Variants in PCNT observed in about 807,000 individuals in gnomAD.
The protein encoded by PCNT is pericentrin, also known as kendrin.
A neutral mutation model predicts 380.4 loss-of-function variants in PCNT; 319 were observed. That is an observed-to-expected ratio of 0.84 (90% CI 0.77 to 0.92). The LOEUF (loss-of-function observed/expected upper bound fraction) is 0.92. Among genes scored for constraint, PCNT ranks in the 40% least tolerant of loss-of-function variants. PCNT has a pLI of 0.00. For missense variants in PCNT, 4,400 were observed against 4,255.3 expected, an observed-to-expected ratio of 1.03 and a Z score of -0.95; for synonymous variants, 1,845 against 1,735.2, an observed-to-expected ratio of 1.06 and a Z score of -1.57.
rs2084961703 is a variant in PCNT at position 46,367,259 on chromosome 21, C to T, written c.3165+120C>T. 2.6e-5 allele frequency: 21 copies of T among 811,578 alleles called. No homozygotes were observed. In the South Asian group the frequency reaches 3.0e-4, roughly 12 times the overall value. 50.3% of individuals were successfully genotyped at this position (811,578 alleles called of 1,614,324 possible). A position where few individuals can be genotyped will look rare whatever the true frequency, so the allele number is the denominator to read the frequency against. On this transcript the variant is annotated intron_variant, in intron 15 of 46. Coordinates refer to ENST00000359568, the MANE Select transcript of PCNT (RefSeq NM_006031.6). ...TGTGCCTGTGCGGGTGTCTGTGTGT[C>T]TCACAGGCTGCCGAGATCAGTGGGG...
intron 32 of PCNT, among the ~76,000 whole-genome samples, chr21:46,423,204 C>CT (rs34458143): frequency 2.5e-3 from 358 of 142,080 alleles, no homozygotes; most frequent in Middle Eastern, 0.011. Context: ...TTTGCATTTC[C>CT]TTTTTTTTTT....
intron 13 of PCNT, among the ~76,000 whole-genome samples, chr21:46,360,524 T>TTA (rs1555958482): frequency 7.0e-6 from 1 of 143,202 alleles, no homozygotes; most frequent in East Asian, 2.0e-4. Flanking sequence ...CGCCGGCTTT[T>TTA]TTTTTTTTTT....
chr21:46,428,528 G>T lies in PCNT; in HGVS notation c.7628G>T (p.Arg2543Leu), dbSNP rs140173772. The change falls in exon 35 of 47, where the codon CGC becomes CTC. Residue 2543 changes from arginine to leucine, a missense_variant. By Grantham distance (102) the Arg-to-Leu change is moderately radical (BLOSUM62 -2). Transcript: ENST00000359568. ...LQNQEKLQHLRTALTSAEARG... is the reference protein window; with the variant it reads ...LQNQEKLQHLLTALTSAEARG... ...AACCAGGAGAAGCTGCAGCACTTGC[G>T]CACGGCGCTGACAAGCGCAGAGGCG... 2 of 1,610,634 alleles carry T rather than the reference G, an allele frequency of 1.2e-6. No individual in the cohort carries two copies. The highest frequency in any genetic ancestry group is 1.7e-6 in the Non-Finnish European group (2 of 1,179,646).
Position 46,363,410 on chromosome 21 carries a change from T to G in PCNT, c.2155-70T>G, listed in dbSNP as rs139707335. 15 of 1,253,304 alleles carry G rather than the reference T, an allele frequency of 1.2e-5. No homozygotes were observed. The East Asian group carries it at 2.8e-4, about 23-fold the overall frequency. The allele number at this position is 1,253,304 out of a possible 1,614,324, so 77.6% of individuals were successfully genotyped here. ...AAATTCCCTGTCTTCAGAGGTGGGTTTGGGTTGTCTCTTCTAATAATCTCT... is the reference window on the plus strand; with the variant it reads ...AAATTCCCTGTCTTCAGAGGTGGGTGTGGGTTGTCTCTTCTAATAATCTCT... On this transcript the variant is annotated intron_variant, in intron 13 of 46. Coordinates refer to ENST00000359568, the MANE Select transcript of PCNT (RefSeq NM_006031.6).
At position 46,357,315 on chromosome 21, in the gene PCNT, T is replaced by C. The variant is rs2084514202; in HGVS notation, c.2154+124T>C. ...ACAGCCCAGTGCTGTACATGGCACA[T>C]TTGTAAGGGCGACAGTCCCGTAAAT... On this transcript the variant is annotated intron_variant, in intron 13 of 46. Transcript: ENST00000359568. 5.3e-6 allele frequency: 4 copies of C among 758,510 alleles called. No individual in the cohort carries two copies. The Admixed American group carries it at 5.4e-5, about 10-fold the overall frequency. 47.0% of individuals were successfully genotyped at this position (758,510 alleles called of 1,614,324 possible).
chr21:46,437,238 G>C (rs530473127), intron 40 of PCNT, among the ~76,000 whole-genome samples, 157 bp downstream of exon 40: 6 of 152,168 alleles, frequency 3.9e-5, no homozygotes, highest in South Asian at 4.2e-4. Flanking sequence ...GGGTGGGGTC[G>C]ACCCTGTGGG....
At chr21:46,361,305 C>T (rs1177682099) in intron 13 of PCNT, among the ~76,000 whole-genome samples, 3 of 152,214 alleles carry the variant, frequency 2.0e-5, no homozygotes, top group African/African-American at 4.8e-5. Context: ...GCAGGAGAAT[C>T]GCTTGAAACC....
At chr21:46,327,885 C>T (rs558630332) in intron 2 of PCNT, among the ~76,000 whole-genome samples, 1 of 152,324 alleles carries the variant, frequency 6.6e-6, no homozygotes, top group East Asian at 1.9e-4. Flanking sequence ...AGGGGCACCC[C>T]CATGGGCAGG....
At chr21:46,437,491 A>G (rs1325743085) in intron 40 of PCNT, among the ~76,000 whole-genome samples, 14 of 151,850 alleles carry the variant, frequency 9.2e-5, no homozygotes. Context: ...GCCGATGTTC[A>G]CCTCCACCTG....
At chr21:46,415,380 T>C (rs2086984997) in intron 29 of PCNT, among the ~76,000 whole-genome samples, 1 of 137,604 alleles carries the variant, frequency 7.3e-6, no homozygotes, top group East Asian at 2.1e-4. Context: ...TTTTTTTTTT[T>C]TTTTTTTTTT....
chr21:46,419,741 A>C (rs915316037), intron 31 of PCNT, among the ~76,000 whole-genome samples: 1 of 152,032 alleles, frequency 6.6e-6, no homozygotes, highest in East Asian at 1.9e-4. Flanking sequence ...GCCCCTCCTC[A>C]ACGGTCTCTT....
In PCNT at chr21:46,416,452, C is replaced by G. The variant is rs776082686; in HGVS notation, c.6534C>G (p.Pro2178=). The G allele has an allele frequency of 2.5e-6, 4 of 1,614,200 alleles. No homozygotes were observed. Among genetic ancestry groups the G allele is most frequent in the Admixed American group, 1.7e-5 (1 of 60,032 alleles). ...SLIPDEMPDS[P]IQEKSECQDM... ...TACCAGATGAAATGCCAGATTCTCC[C>G]ATTCAAGAAAAATCAGAATGTCAGG... The change falls in exon 30 of 47, where the codon CCC becomes CCG. Residue 2178 remains proline (P), a synonymous_variant. Coordinates refer to ENST00000359568, the MANE Select transcript of PCNT (RefSeq NM_006031.6).
Position 46,411,393 on chromosome 21 carries a change from G to C in PCNT, c.5320G>C (p.Glu1774Gln), listed in dbSNP as rs201709021. 12 of 1,613,792 alleles carry C rather than the reference G, an allele frequency of 7.4e-6. No homozygotes were observed. The highest frequency in any genetic ancestry group is 1.0e-5 in the Non-Finnish European group (12 of 1,180,000). ...SDSQAGSLQS[E>Q]LLCSQAGGPR... ...CAGTCAGGCTGGCAGTCTGCAGAGC[G>C]AGCTGCTCTGCTCCCAGGCCGGGGG... The change falls in exon 28 of 47, where the codon GAG (glutamate) becomes CAG (glutamine). Residue 1774 changes from glutamate to glutamine, a missense_variant. Transcript: ENST00000359568.
chr21:46,439,020 G>A (rs185809300), intron 41 of PCNT, among the ~76,000 whole-genome samples: 23 of 152,002 alleles, frequency 1.5e-4, no homozygotes, highest in African/African-American at 5.1e-4. Flanking sequence ...GTTATCTTCC[G>A]GAATGTCTCA....
chr21:46,441,898 T>C (rs57358889), intron 43 of PCNT, among the ~76,000 whole-genome samples: 8,133 of 152,194 alleles, frequency 0.053, 612 homozygotes, highest in African/African-American at 0.17. Flanking sequence ...ACAGGTCTTA[T>C]GGAGGAATCG....
intron 16 of PCNT, among the ~76,000 whole-genome samples, chr21:46,382,238 G>C (rs1461363078): frequency 6.8e-6 from 1 of 146,472 alleles, no homozygotes; most frequent in African/African-American, 2.5e-5. Context: ...TCTGCATTCA[G>C]TGGCGGAAGC....
chr21:46,430,783 C>A, intron 37 of PCNT, 126 bp downstream of exon 37: 2 of 1,531,368 alleles, frequency 1.3e-6, no homozygotes, highest in East Asian at 2.5e-5. Context: ...AGCAGTGTGA[C>A]GTAGCAGGAT....
chr21:46,432,097 C>G lies in PCNT; in HGVS notation c.8633C>G (p.Ser2878Ter), dbSNP rs897174401. 4 of 1,614,016 alleles carry G rather than the reference C, an allele frequency of 2.5e-6. No individual in the cohort carries two copies. In the African/African-American group the frequency reaches 5.3e-5, roughly 22 times the overall value. ...PAWLQAELEQ[S>*]HPRLKEQEGR... Reference sequence around the variant, plus strand: ...TGGTTGCAGGCAGAATTAGAGCAGTCACACCCACGGTTGAAAGAGCAAGAA... The same window carrying G: ...TGGTTGCAGGCAGAATTAGAGCAGTGACACCCACGGTTGAAAGAGCAAGAA... Residue 2878 changes from serine (S) to a stop codon, truncating the protein, a stop_gained, in exon 38 of 47, where the codon TCA becomes TGA. Coordinates refer to ENST00000359568, the MANE Select transcript of PCNT (RefSeq NM_006031.6). LOFTEE classifies it high-confidence loss of function.
At chr21:46,438,821 C>T (rs1037872318) in intron 41 of PCNT, among the ~76,000 whole-genome samples, 5 of 151,854 alleles carry the variant, frequency 3.3e-5, no homozygotes, top group South Asian at 4.2e-4. Flanking sequence ...TACAAGTGCC[C>T]GCCACCACAC....
Sources: gnomAD v4.1 joint callset for allele counts (sites outside exome capture counted in the v4.1 genomes callset) on GRCh38, gnomAD v4.1.1 for gene constraint, MANE v1.5 for transcripts, NCBI Gene and HGNC (gene_info 2026-07-23, HGNC 2026-07-21) for gene names.